The following SLC25A21 variants were observed in gnomAD, a reference collection of about 807,000 sequenced individuals.
The protein encoded by SLC25A21 is mitochondrial 2-oxodicarboxylate carrier.
Under a neutral mutation model 43.8 loss-of-function variants are expected in SLC25A21, and 47 were observed. The ratio of observed to expected loss-of-function variants is 1.07; its 90% CI spans 0.85 to 1.37. The LOEUF (loss-of-function observed/expected upper bound fraction) is 1.37. Among genes scored for constraint, SLC25A21 ranks in the 40% most tolerant of loss-of-function variants. The pLI, the probability that SLC25A21 is intolerant of heterozygous loss-of-function variation, is 0.00. For synonymous variants in SLC25A21, 131 were observed against 121.3 expected, an observed-to-expected ratio of 1.08 and a Z score of -0.52; for missense variants, 352 against 350.2, an observed-to-expected ratio of 1.00 and a Z score of -0.04.
intron 1 of SLC25A21, chr14:37,171,740 G>A (rs1964133530): frequency 6.6e-6 from 1 of 152,440 alleles, no homozygotes; most frequent in Non-Finnish European, 1.5e-5. Context: ...TATCAAAGGT[G>A]TTTATGTGTG....
intron 1 of SLC25A21, among the ~76,000 whole-genome samples, chr14:37,041,634 A>G (rs1961474435): frequency 6.6e-6 from 1 of 152,222 alleles, no homozygotes; most frequent in Non-Finnish European, 1.5e-5. Context: ...TAAATATATA[A>G]AAGAGAAGAG....
intron 1 of SLC25A21, among the ~76,000 whole-genome samples, chr14:36,963,482 A>C (rs1959543574): frequency 6.6e-6 from 1 of 152,232 alleles, no homozygotes; most frequent in South Asian, 2.1e-4. Flanking sequence ...TAGCACAAAG[A>C]AATGCAAGAC....
intron 1 of SLC25A21, among the ~76,000 whole-genome samples, chr14:37,096,760 A>G (rs1013711098): frequency 6.6e-6 from 1 of 151,944 alleles, no homozygotes; most frequent in Non-Finnish European, 1.5e-5. Flanking sequence ...CGAATTTTGA[A>G]TTCATTTTCT....
chr14:37,128,826 C>A (rs997882712), intron 1 of SLC25A21, among the ~76,000 whole-genome samples: 1 of 151,888 alleles, frequency 6.6e-6, no homozygotes, highest in Admixed American at 6.6e-5. Context: ...TGAGCTCAAG[C>A]GATCTGCTAC....
chr14:36,701,528 A>G (rs1883276647), intron 7 of SLC25A21, among the ~76,000 whole-genome samples: 1 of 152,218 alleles, frequency 6.6e-6, no homozygotes, highest in South Asian at 2.1e-4. Context: ...TCTTTAAAGT[A>G]TTGTAAAATG....
At chr14:36,922,990 T>C (rs1169226989) in intron 1 of SLC25A21, among the ~76,000 whole-genome samples, 4 of 151,636 alleles carry the variant, frequency 2.6e-5, no homozygotes, top group African/African-American at 9.7e-5. Flanking sequence ...AGGAGAAAAA[T>C]CAGTCCCACA....
chr14:37,051,657 C>A (rs1961708887), intron 1 of SLC25A21, among the ~76,000 whole-genome samples: 1 of 152,156 alleles, frequency 6.6e-6, no homozygotes, highest in Non-Finnish European at 1.5e-5. Flanking sequence ...GAGGGATGAG[C>A]AAAGCATTTC....
chr14:37,115,202 C>T (rs926081458), intron 1 of SLC25A21, among the ~76,000 whole-genome samples: 1 of 152,156 alleles, frequency 6.6e-6, no homozygotes, highest in Admixed American at 6.5e-5. Flanking sequence ...AGAAAGGTGG[C>T]TCTTTACACA....
chr14:37,122,341 T>C (rs1213601580), intron 1 of SLC25A21, among the ~76,000 whole-genome samples: 1 of 152,214 alleles, frequency 6.6e-6, no homozygotes, highest in African/African-American at 2.4e-5. Flanking sequence ...AAACATAGTC[T>C]GGAAAACAGA....
intron 1 of SLC25A21, among the ~76,000 whole-genome samples, chr14:37,144,823 G>C (rs1021599466): frequency 3.9e-5 from 6 of 151,926 alleles, no homozygotes; most frequent in African/African-American, 1.2e-4. Flanking sequence ...AGTAGAGATA[G>C]GATTTCACCA....
intron 3 of SLC25A21, among the ~76,000 whole-genome samples, chr14:36,762,447 G>T (rs181100628): frequency 2.0e-5 from 3 of 152,322 alleles, no homozygotes; most frequent in Admixed American, 1.3e-4. Context: ...CTGGTTCTGG[G>T]AACGGCAGCC....
chr14:36,906,654 C>T (rs529872627), intron 1 of SLC25A21, among the ~76,000 whole-genome samples: 5 of 151,842 alleles, frequency 3.3e-5, no homozygotes, highest in Non-Finnish European at 7.4e-5. Context: ...TACAGACATG[C>T]GCCACCACAC....
chr14:36,679,895 C>G lies in SLC25A21; in HGVS notation c.*763G>C, dbSNP rs1471846556. The stretch of plus-strand genomic sequence containing the variant: ...ATGTGGAGGAAAGTAAATTTTATTT[C>G]ATGTTTCCTACTTGTGTTAGAAGAG... On this transcript the variant is annotated 3_prime_UTR_variant, in exon 10 of 10. Transcript: ENST00000331299. 2.1e-6 allele frequency: 2 copies of G among 963,374 alleles called. No individual in the cohort carries two copies. The highest frequency in any genetic ancestry group is 6.2e-5 in the Admixed American group (1 of 16,202). 59.7% of individuals were successfully genotyped at this position (963,374 alleles called of 1,614,324 possible). A position where few individuals can be genotyped will look rare whatever the true frequency, so the allele number is the denominator to read the frequency against.
At chr14:36,805,369 A>G (rs760174891) in intron 3 of SLC25A21, among the ~76,000 whole-genome samples, 1 of 152,070 alleles carries the variant, frequency 6.6e-6, no homozygotes, top group East Asian at 1.9e-4. Flanking sequence ...AGGTGCTGAA[A>G]CCATTTTAAA....
intron 1 of SLC25A21, among the ~76,000 whole-genome samples, chr14:37,048,718 TAAAAC>T (rs969424594): frequency 6.6e-6 from 1 of 152,196 alleles, no homozygotes; most frequent in Non-Finnish European, 1.5e-5. Flanking sequence ...TCCTCACCTG[TAAAAC>T]ATGGGTGAGC....
At chr14:37,133,326 T>C (rs1283994699) in intron 1 of SLC25A21, among the ~76,000 whole-genome samples, 5 of 152,114 alleles carry the variant, frequency 3.3e-5, no homozygotes, top group East Asian at 1.9e-4. Flanking sequence ...AGTCCCTCTG[T>C]TGACATTCCC....
intron 2 of SLC25A21, among the ~76,000 whole-genome samples, chr14:36,827,596 T>C (rs1888879942): frequency 6.6e-6 from 1 of 152,230 alleles, no homozygotes; most frequent in South Asian, 2.1e-4. Context: ...GTACCTTCAG[T>C]GGTGAAATCA....
intron 3 of SLC25A21, among the ~76,000 whole-genome samples, chr14:36,771,029 G>T (rs1886599736): frequency 6.6e-6 from 1 of 150,676 alleles, no homozygotes; most frequent in Non-Finnish European, 1.5e-5. Context: ...GCTGCATTTT[G>T]ACTCCACAGT....
At chr14:36,897,583 C>G (rs964729064) in intron 1 of SLC25A21, among the ~76,000 whole-genome samples, 2 of 152,226 alleles carry the variant, frequency 1.3e-5, no homozygotes, top group African/African-American at 2.4e-5. Flanking sequence ...TGGTGAGGAG[C>G]TGCATTCCTT....
Sources: allele counts gnomAD v4.1 joint callset (sites outside exome capture counted in the v4.1 genomes callset), GRCh38; gene constraint gnomAD v4.1.1; transcripts MANE v1.5; gene names NCBI Gene and HGNC (gene_info 2026-07-23, HGNC 2026-07-21).